The following RASGEF1C variants were observed in gnomAD, a reference collection of about 807,000 sequenced individuals.
RASGEF1C encodes ras-GEF domain-containing family member 1C.
Under a neutral mutation model 58.1 loss-of-function variants are expected in RASGEF1C, and 27 were observed. The ratio of observed to expected loss-of-function variants is 0.46; its 90% CI spans 0.34 to 0.64. The LOEUF (loss-of-function observed/expected upper bound fraction) is 0.64, where lower values mean the gene tolerates loss of function less well. RASGEF1C is among the 30% of genes least tolerant of loss of function. RASGEF1C has a pLI of 0.01. For missense variants in RASGEF1C, 502 were observed against 605.1 expected (o/e 0.83, Z 1.79); for synonymous variants, 243 against 246.3 (o/e 0.99, Z 0.13).
At chr5:180,162,123 G>A (rs1455676053) in intron 1 of RASGEF1C, among the ~76,000 whole-genome samples, 1 of 152,258 alleles carries the variant, frequency 6.6e-6, no homozygotes, top group Non-Finnish European at 1.5e-5. Context: ...GAAGGTCCTG[G>A]GTTGTCTAGC....
chr5:180,172,692 C>A (rs529174408), intron 1 of RASGEF1C, among the ~76,000 whole-genome samples: 2 of 152,130 alleles, frequency 1.3e-5, no homozygotes, highest in Non-Finnish European at 2.9e-5. Context: ...CCTTCTCTCA[C>A]GCCCAGCTCC....
chr5:180,176,438 C>T (rs1008685950), intron 1 of RASGEF1C, among the ~76,000 whole-genome samples: 2 of 152,262 alleles, frequency 1.3e-5, no homozygotes. Context: ...AGGCAGGCCC[C>T]GCGCCATCCA....
Position 180,177,878 on chromosome 5 carries a change from AG to A in RASGEF1C, c.-7+31149del, listed in dbSNP as rs1385295346. Among the ~76,000 whole-genome samples, 1 of 152,048 alleles carries A rather than the reference AG, an allele frequency of 6.6e-6. No homozygotes were observed. The highest frequency in any genetic ancestry group is 1.9e-4 in the East Asian group (1 of 5,180). Reference sequence around the variant, plus strand: ...GAGCTGGTGGGGGCTTTCTTGTGAAAGGGGCCCACATGGAGGAAACGGAGCC... The same window carrying A: ...GAGCTGGTGGGGGCTTTCTTGTGAAAGGGCCCACATGGAGGAAACGGAGCC... On this transcript the variant is annotated intron_variant, in intron 1 of 13. Transcript: ENST00000361132. This position sits in a 1 kb window ranked among gnomAD's most constrained non-coding sequence, Gnocchi z 5.0.
chr5:180,153,838 T>C (rs1173746945), intron 1 of RASGEF1C, among the ~76,000 whole-genome samples: 2 of 152,200 alleles, frequency 1.3e-5, no homozygotes, highest in African/African-American at 4.8e-5. Flanking sequence ...AAGTATCTTA[T>C]ATTGCTCTAT....
chr5:180,118,705 C>G lies in RASGEF1C; in HGVS notation c.988-1G>C. Reference sequence around the variant, plus strand: ...AATTCCCCGTTGGGTCCATCTGGTGCTGGAAGGAGACAGGGAGGCATGTGG... The same window carrying G: ...AATTCCCCGTTGGGTCCATCTGGTGGTGGAAGGAGACAGGGAGGCATGTGG... On this transcript the variant is annotated splice_acceptor_variant, in intron 9 of 13. Transcript: ENST00000361132. LOFTEE classifies it high-confidence loss of function. The G allele has an allele frequency of 6.2e-7, 1 of 1,614,120 alleles. No individual in the cohort carries two copies. Among genetic ancestry groups the G allele is most frequent in the Non-Finnish European group, 8.5e-7 (1 of 1,179,980 alleles).
chr5:180,111,421 G>A, intron 12 of RASGEF1C, 36 bp downstream of exon 12: 1 of 1,613,656 alleles, frequency 6.2e-7, no homozygotes, highest in Non-Finnish European at 8.5e-7. Context: ...AGAGTTCCGT[G>A]GCCCAGTAGG....
intron 13 of RASGEF1C, 146 bp downstream of exon 13, chr5:180,101,925 G>A: frequency 1.5e-6 from 1 of 651,276 alleles, no homozygotes; most frequent in Non-Finnish European, 2.7e-6. Context: ...GAGGCTCCCA[G>A]GAGGCTGGTG....
At chr5:180,127,038 A>G (rs979107511) in intron 6 of RASGEF1C, among the ~76,000 whole-genome samples, 1 of 152,182 alleles carries the variant, frequency 6.6e-6, no homozygotes, top group African/African-American at 2.4e-5. Flanking sequence ...CAGAAGGCAC[A>G]ATGTTTGCAA....
At chr5:180,119,072 C>G (rs1766123106) in intron 8 of RASGEF1C, among the ~76,000 whole-genome samples, 1 of 152,224 alleles carries the variant, frequency 6.6e-6, no homozygotes, top group Non-Finnish European at 1.5e-5. Flanking sequence ...TACCAAGCAC[C>G]TGCACTGGGC....
intron 1 of RASGEF1C, among the ~76,000 whole-genome samples, chr5:180,138,522 A>T (rs2380149): frequency 0.015 from 2,270 of 152,128 alleles, 29 homozygotes; most frequent in African/African-American, 0.03. Context: ...GGAGTCCTTG[A>T]GCTGGTGGAA....
intron 1 of RASGEF1C, among the ~76,000 whole-genome samples, chr5:180,187,229 A>C (rs1017363720): frequency 7.2e-5 from 11 of 152,136 alleles, no homozygotes; most frequent in African/African-American, 2.4e-4. Context: ...AAAAAAATCA[A>C]ATTGGACCCC....
At chr5:180,181,054 C>T (rs571345850) in intron 1 of RASGEF1C, among the ~76,000 whole-genome samples, 1 of 152,254 alleles carries the variant, frequency 6.6e-6, no homozygotes, top group South Asian at 2.1e-4. Flanking sequence ...GGGTACCTGT[C>T]CTAAATGCAG....
chr5:180,101,989 G>T, intron 13 of RASGEF1C, 82 bp downstream of exon 13: 1 of 924,606 alleles, frequency 1.1e-6, no homozygotes, highest in Non-Finnish European at 1.8e-6. Flanking sequence ...GCAGTCCCCG[G>T]GTCCCACCTC....
intron 10 of RASGEF1C, among the ~76,000 whole-genome samples, chr5:180,115,967 AGG>A (rs1384585609): frequency 1.3e-5 from 2 of 152,062 alleles, no homozygotes; most frequent in African/African-American, 4.8e-5. Flanking sequence ...GTGTTGGAAC[AGG>A]GAGACGCACC....
At chr5:180,163,272 A>C (rs1766973949) in intron 1 of RASGEF1C, among the ~76,000 whole-genome samples, 1 of 87,486 alleles carries the variant, frequency 1.1e-5, no homozygotes, top group Non-Finnish European at 2.4e-5. Context: ...TGCACTGGCT[A>C]GGACTTCCAG....
intron 7 of RASGEF1C, among the ~76,000 whole-genome samples, chr5:180,119,732 C>T (rs2113254494): frequency 6.6e-6 from 1 of 152,174 alleles, no homozygotes; most frequent in East Asian, 1.9e-4. Flanking sequence ...CCTCCAGCGC[C>T]CTCCTCCCTC....
At chr5:180,110,117 G>A (rs1765934191) in intron 12 of RASGEF1C, among the ~76,000 whole-genome samples, 2 of 152,082 alleles carry the variant, frequency 1.3e-5, no homozygotes, top group South Asian at 4.1e-4. Context: ...ATTCTCCCCG[G>A]GGCCCTGGGG....
chr5:180,151,277 A>G (rs1481817277), intron 1 of RASGEF1C, among the ~76,000 whole-genome samples: 1 of 152,230 alleles, frequency 6.6e-6, no homozygotes, highest in African/African-American at 2.4e-5. Context: ...CTAAGCCAAA[A>G]GAACAAAACT....
In RASGEF1C at chr5:180,136,450, T is replaced by C; in HGVS notation, c.366A>G (p.Pro122=). 1 of 1,561,154 alleles carries C rather than the reference T, an allele frequency of 6.4e-7. No homozygotes were observed. The highest frequency in any genetic ancestry group is 8.7e-7 in the Non-Finnish European group (1 of 1,152,440). The change falls in exon 4 of 14, where the codon CCA becomes CCG. Residue 122 remains proline, a synonymous_variant. Transcript: ENST00000361132. The stretch of plus-strand genomic sequence containing the variant: ...TAGTCGACTCTTCCTGGAAGTCCCT[T>C]GGGAAGGTCTCGGTCCACTCGGCCA... ...QLLAEWTETF[P]RDFQEESTIG...
Sources: allele counts gnomAD v4.1 joint callset (sites outside exome capture counted in the v4.1 genomes callset), GRCh38; gene constraint gnomAD v4.1.1; non-coding constraint Gnocchi (gnomAD v3.1); transcripts MANE v1.5; gene names NCBI Gene and HGNC (gene_info 2026-07-23, HGNC 2026-07-21).